Variants in TCF12 observed in about 807,000 individuals in gnomAD.
TCF12 encodes transcription factor 12.
A neutral mutation model predicts 86.0 loss-of-function variants in TCF12; 45 were observed. The observed-to-expected ratio is 0.52, with a 90% CI of 0.41 to 0.67. TCF12 has a LOEUF of 0.67. Among genes scored for constraint, TCF12 ranks in the 30% least tolerant of loss-of-function variants. The pLI is 0.00. For synonymous variants in TCF12, 330 were observed against 299.6 expected, an observed-to-expected ratio of 1.10 and a Z score of -1.05; for missense variants, 881 against 859.9, an observed-to-expected ratio of 1.02 and a Z score of -0.31.
chr15:57,022,099 G>A (rs2065524938), intron 3 of TCF12, among the ~76,000 whole-genome samples: 1 of 150,924 alleles, frequency 6.6e-6, no homozygotes, highest in Non-Finnish European at 1.5e-5. Context: ...TAAAGTTCTA[G>A]GGTACATGTG....
intron 3 of TCF12, among the ~76,000 whole-genome samples, chr15:57,017,752 A>T (rs1415076586): frequency 6.8e-6 from 1 of 146,994 alleles, no homozygotes; most frequent in Admixed American, 6.8e-5. Context: ...TTGCCTGAAC[A>T]TTGCCTCATT....
chr15:57,142,958 G>A (rs1240649909), intron 5 of TCF12, among the ~76,000 whole-genome samples: 1 of 152,160 alleles, frequency 6.6e-6, no homozygotes, highest in African/African-American at 2.4e-5. Flanking sequence ...ATAGCACAAT[G>A]TGACTGCATT....
At chr15:57,282,382 C>G in intron 19 of TCF12, 63 bp from the exon 20 acceptor site, 1 of 1,593,704 alleles carries the variant, frequency 6.3e-7, no homozygotes, top group Non-Finnish European at 8.6e-7. Context: ...GCAATTTGTT[C>G]AGCTTGAGAC....
At chr15:57,053,174 GATTAT>G (rs1353247305) in intron 3 of TCF12, among the ~76,000 whole-genome samples, 6 of 152,160 alleles carry the variant, frequency 3.9e-5, no homozygotes. Flanking sequence ...ACAGGTATGA[GATTAT>G]ATCTTACTGT....
At chr15:57,143,174 AAAAG>A (rs1183120972) in intron 5 of TCF12, among the ~76,000 whole-genome samples, 2 of 152,030 alleles carry the variant, frequency 1.3e-5, no homozygotes, top group East Asian at 3.9e-4. Flanking sequence ...AAAAAAAAAA[AAAAG>A]AAGTAAAGCT....
intron 3 of TCF12, among the ~76,000 whole-genome samples, chr15:56,947,297 C>G (rs915131503): frequency 5.9e-5 from 9 of 151,574 alleles, no homozygotes; most frequent in Non-Finnish European, 1.2e-4. Flanking sequence ...TGGAGTTTTA[C>G]TGTGTGTGTG....
At chr15:56,979,975 C>T (rs917151152) in intron 3 of TCF12, among the ~76,000 whole-genome samples, 1 of 152,124 alleles carries the variant, frequency 6.6e-6, no homozygotes, top group Admixed American at 6.5e-5. Context: ...CTTTGAAGGC[C>T]AGGTCCAGAA....
intron 6 of TCF12, among the ~76,000 whole-genome samples, chr15:57,168,555 A>G (rs916464722): frequency 6.6e-6 from 1 of 152,222 alleles, no homozygotes; most frequent in African/African-American, 2.4e-5. Context: ...TTCATAGTTG[A>G]TATCAGAACT....
chr15:56,977,460 C>T (rs548716210), intron 3 of TCF12, among the ~76,000 whole-genome samples: 5 of 152,018 alleles, frequency 3.3e-5, no homozygotes, highest in Non-Finnish European at 7.4e-5. Flanking sequence ...TCTCAGTGAG[C>T]TAGAGGTTGC....
At chr15:57,228,438 T>C (rs1196514505) in intron 8 of TCF12, among the ~76,000 whole-genome samples, 1 of 152,012 alleles carries the variant, frequency 6.6e-6, no homozygotes, top group African/African-American at 2.4e-5. Context: ...CCATTTTCAT[T>C]TATAAGGTCT....
In TCF12 at chr15:57,091,929, C is replaced by T. The variant is rs1415288049; in HGVS notation, c.325+38C>T. On this transcript the variant is annotated intron_variant, in intron 5 of 20. Transcript: ENST00000333725. ...TTCTCTGCAAGTAGTCTTCTCAAAGCTTCTTTGGTCAGAGACATTTTTTAT... is the reference window on the plus strand; with the variant it reads ...TTCTCTGCAAGTAGTCTTCTCAAAGTTTCTTTGGTCAGAGACATTTTTTAT... 6 of 1,544,254 alleles carry T rather than the reference C, an allele frequency of 3.9e-6. No individual in the cohort carries two copies. The South Asian group carries it at 6.7e-5, about 17-fold the overall frequency.
At chr15:57,277,121 T>C (rs1289695456) in intron 19 of TCF12, among the ~76,000 whole-genome samples, 3 of 152,056 alleles carry the variant, frequency 2.0e-5, no homozygotes, top group Non-Finnish European at 4.4e-5. Flanking sequence ...CAACCTAGAA[T>C]TCTATACCTT....
chr15:57,048,327 T>C (rs1425347918), intron 3 of TCF12, among the ~76,000 whole-genome samples: 1 of 152,216 alleles, frequency 6.6e-6, no homozygotes, highest in African/African-American at 2.4e-5. Flanking sequence ...AGTGGCGCGA[T>C]CTCGGCTCAC....
At chr15:57,039,132 C>A (rs1353852536) in intron 3 of TCF12, among the ~76,000 whole-genome samples, 5 of 152,160 alleles carry the variant, frequency 3.3e-5, no homozygotes, top group African/African-American at 1.2e-4. Context: ...TATTCTTCCA[C>A]TTGTTACCTT....
At chr15:57,163,329 T>C (rs2703615) in intron 5 of TCF12, among the ~76,000 whole-genome samples, 1,794 of 152,350 alleles carry the variant, frequency 0.012, 37 homozygotes, top group African/African-American at 0.041. Flanking sequence ...CATGTCATGC[T>C]GACTAATTGA....
intron 5 of TCF12, among the ~76,000 whole-genome samples, chr15:57,115,163 C>T (rs562432302): frequency 7.9e-5 from 12 of 152,124 alleles, no homozygotes; most frequent in Non-Finnish European, 1.6e-4. Context: ...TGGTTATCCA[C>T]CCTTTAACTG....
At chr15:57,038,147 A>G (rs2066635481) in intron 3 of TCF12, among the ~76,000 whole-genome samples, 1 of 152,162 alleles carries the variant, frequency 6.6e-6, no homozygotes, top group Non-Finnish European at 1.5e-5. Flanking sequence ...TCTCAATAAT[A>G]GAAAAGTGTG....
At chr15:57,159,753 A>G (rs1201817603) in intron 5 of TCF12, among the ~76,000 whole-genome samples, 2 of 152,196 alleles carry the variant, frequency 1.3e-5, no homozygotes, top group African/African-American at 4.8e-5. Flanking sequence ...TCTGTGTAAA[A>G]TATGCTGAAT....
intron 3 of TCF12, among the ~76,000 whole-genome samples, chr15:56,997,725 C>A (rs2063789698): frequency 6.6e-6 from 1 of 152,098 alleles, no homozygotes; most frequent in African/African-American, 2.4e-5. Flanking sequence ...TCTTACACAT[C>A]AGTAATTACG....
Sources: allele counts gnomAD v4.1 joint callset (sites outside exome capture counted in the v4.1 genomes callset), GRCh38; gene constraint gnomAD v4.1.1; transcripts MANE v1.5; gene names NCBI Gene and HGNC (gene_info 2026-07-23, HGNC 2026-07-21).